Variants in EXD1 observed in about 807,000 individuals in gnomAD.
The protein encoded by EXD1 is exonuclease 3'-5' domain containing 1.
Under a neutral mutation model 49.1 loss-of-function variants are expected in EXD1, and 63 were observed. The observed-to-expected ratio is 1.28, with a 90% CI of 1.05 to 1.58. EXD1 has a LOEUF of 1.58. Among genes scored for constraint, EXD1 ranks in the 40% most tolerant of loss-of-function variants. The probability of loss-of-function intolerance (pLI) is 0.00; values close to 1 mark genes in which losing one functional copy is unlikely to be tolerated. For missense variants in EXD1, 748 were observed against 666.0 expected (o/e 1.12, Z -1.36); for synonymous variants, 234 against 239.2 (o/e 0.98, Z 0.20).
intron 5 of EXD1, among the ~76,000 whole-genome samples, chr15:41,216,136 C>A (rs2046995799): frequency 6.6e-6 from 1 of 152,072 alleles, no homozygotes; most frequent in South Asian, 2.1e-4. Context: ...TATGAGTACA[C>A]ACACAGTATG....
At chr15:41,221,763 A>G (rs536624329) in intron 2 of EXD1, among the ~76,000 whole-genome samples, 6 of 151,878 alleles carry the variant, frequency 4.0e-5, no homozygotes, top group African/African-American at 1.4e-4. Flanking sequence ...TTTTTTCTCC[A>G]GCATGGACTA....
chr15:41,221,943 A>G (rs2047094975), intron 2 of EXD1, among the ~76,000 whole-genome samples: 1 of 151,192 alleles, frequency 6.6e-6, no homozygotes, highest in Admixed American at 6.6e-5. Context: ...CTACTAAAAC[A>G]TCAAAAATTA....
chr15:41,214,831 C>T (rs1308201954), intron 6 of EXD1, among the ~76,000 whole-genome samples: 2 of 151,992 alleles, frequency 1.3e-5, no homozygotes, highest in African/African-American at 2.4e-5. Flanking sequence ...CTGCAAGCTC[C>T]GCCTCCCGAG....
chr15:41,192,596 T>G (rs1176274081), intron 9 of EXD1, among the ~76,000 whole-genome samples: 6 of 15,828 alleles, frequency 3.8e-4, no homozygotes, highest in African/African-American at 1.2e-3. Flanking sequence ...CGCCAGGCAT[T>G]TTTTTTTTTT....
chr15:41,226,494 C>A lies in EXD1; in HGVS notation c.82G>T (p.Glu28Ter). The change falls in exon 2 of 12, where the codon GAG becomes TAG. Residue 28 changes from glutamate to a stop codon, truncating the protein, a stop_gained. Coordinates refer to ENST00000458580, the MANE Select transcript of EXD1 (RefSeq NM_001286441.2). LOFTEE classifies it high-confidence loss of function. ...VKLTLVCGVF[E>*]GVLQHVDPNK... ...GGGTCAACATGCTGAAGCACACCCT[C>A]GAAGACACCACAGACCAATGTGAGT... 2 of 1,536,040 alleles carry A rather than the reference C, an allele frequency of 1.3e-6. No homozygotes were observed. Among genetic ancestry groups the A allele is most frequent in the Non-Finnish European group, 8.7e-7 (1 of 1,146,890 alleles).
intron 7 of EXD1, among the ~76,000 whole-genome samples, chr15:41,201,024 C>T (rs1316276622): frequency 1.3e-5 from 2 of 151,878 alleles, no homozygotes; most frequent in Non-Finnish European, 2.9e-5. Context: ...CAGGTACGTG[C>T]CACCACACCC....
chr15:41,228,007 G>A (rs1296614491), intron 1 of EXD1, among the ~76,000 whole-genome samples: 11 of 152,106 alleles, frequency 7.2e-5, no homozygotes, highest in African/African-American at 1.4e-4. Flanking sequence ...CCAAGATCGC[G>A]CCATTGCACT....
intron 11 of EXD1, among the ~76,000 whole-genome samples, chr15:41,188,395 C>G (rs2046449689): frequency 7.0e-6 from 1 of 143,188 alleles, no homozygotes; most frequent in South Asian, 2.4e-4. Context: ...CATTTCTTGT[C>G]TTTTCTTTTC....
chr15:41,222,844 G>A (rs1232771052), intron 2 of EXD1, among the ~76,000 whole-genome samples: 3 of 148,904 alleles, frequency 2.0e-5, no homozygotes, highest in Admixed American at 6.8e-5. Context: ...GCTGAGGCAG[G>A]AGAATTGCTT....
At chr15:41,222,974 G>A (rs1263016555) in intron 2 of EXD1, among the ~76,000 whole-genome samples, 1 of 151,544 alleles carries the variant, frequency 6.6e-6, no homozygotes, top group African/African-American at 2.4e-5. Context: ...TTTTAGAGGT[G>A]GGGTCTTGTG....
At chr15:41,186,253 C>T (rs1466750108) in intron 11 of EXD1, among the ~76,000 whole-genome samples, 2 of 152,038 alleles carry the variant, frequency 1.3e-5, no homozygotes, top group Non-Finnish European at 2.9e-5. Context: ...GGGTGGATCA[C>T]TTGAGGTCAG....
Position 41,194,280 on chromosome 15 carries a change from G to C in EXD1, c.720+1495C>G, listed in dbSNP as rs1484258551. Among the ~76,000 whole-genome samples, 6 of 152,154 alleles carry C rather than the reference G, an allele frequency of 3.9e-5. No individual in the cohort carries two copies. The East Asian group carries it at 1.2e-3, about 29-fold the overall frequency. ...CCCACCTTGGCCTCCCAAAGTGTTG[G>C]GATTACAGGTGTGAGCCACCGTGCC... On this transcript the variant is annotated intron_variant, in intron 9 of 11. Transcript: ENST00000458580.
rs139992655 is a variant in EXD1, at chr15:41,226,991, G to T, written c.-53-363C>A. Among the ~76,000 whole-genome samples, 831 of 152,192 alleles carry T rather than the reference G, an allele frequency of 5.5e-3. 10 individuals are homozygous for T. The highest frequency in any genetic ancestry group is 0.019 in the African/African-American group (804 of 41,530). ...CAAATGAAAAAAATTGACATACATAGAAATATTTGCCAATACATGTTGCAA... is the reference window on the plus strand; with the variant it reads ...CAAATGAAAAAAATTGACATACATATAAATATTTGCCAATACATGTTGCAA... On this transcript the variant is annotated intron_variant, in intron 1 of 11. Coordinates refer to ENST00000458580, the MANE Select transcript of EXD1 (RefSeq NM_001286441.2).
intron 7 of EXD1, among the ~76,000 whole-genome samples, chr15:41,198,590 G>A (rs945426219): frequency 2.0e-5 from 3 of 152,070 alleles, no homozygotes; most frequent in African/African-American, 7.2e-5. Context: ...TCGGGAGGCT[G>A]AGGTGGGAGG....
rs368921977 is a variant in EXD1 at position 41,215,770 on chromosome 15, C to T, written c.447+5G>A. ...ATACTAGTAATGATTGAGGACAATA[C>T]TTACCGCAGCACCAAACTTCTGCTG... On this transcript the variant is annotated splice_donor_5th_base_variant and intron_variant, in intron 6 of 11. Transcript: ENST00000458580. 6.4e-5 allele frequency: 103 copies of T among 1,613,376 alleles called. No individual in the cohort carries two copies. Among genetic ancestry groups the T allele is most frequent in the Middle Eastern group, 3.3e-4 (2 of 6,084 alleles).
chr15:41,209,355 T>C (rs2046885350), intron 7 of EXD1, 146 bp downstream of exon 7: 6 of 688,278 alleles, frequency 8.7e-6, no homozygotes, highest in Non-Finnish European at 1.2e-5. Context: ...AGTTCAATGC[T>C]GCAGTGATCT....
chr15:41,192,101 T>C (rs2046529781), intron 9 of EXD1: 1 of 154,072 alleles, frequency 6.5e-6, no homozygotes, highest in African/African-American at 2.4e-5. Flanking sequence ...TTAGGCAACC[T>C]GGTGGTTCTC....
chr15:41,223,790 G>A (rs569386358), intron 2 of EXD1, among the ~76,000 whole-genome samples: 54 of 151,140 alleles, frequency 3.6e-4, no homozygotes, highest in African/African-American at 1.2e-3. Context: ...GCTTGAACCC[G>A]GGAGGCAAAG....
At chr15:41,219,100 G>T (rs568664529) in intron 3 of EXD1, among the ~76,000 whole-genome samples, 1 of 152,112 alleles carries the variant, frequency 6.6e-6, no homozygotes, top group Non-Finnish European at 1.5e-5. Context: ...GTCCTTGAAA[G>T]CAAGAACATT....
Sources: allele counts gnomAD v4.1 joint callset (sites outside exome capture counted in the v4.1 genomes callset), GRCh38; gene constraint gnomAD v4.1.1; transcripts MANE v1.5; gene names NCBI Gene and HGNC (gene_info 2026-07-23, HGNC 2026-07-21).